The following GATAD1 variants were observed in gnomAD, a reference collection of about 807,000 sequenced individuals.
The protein encoded by GATAD1 is GATA zinc finger domain-containing protein 1.
In GATAD1, 12 loss-of-function variants were observed where a neutral mutation model predicts 26.5. The observed-to-expected ratio is 0.45, with a 90% CI of 0.29 to 0.73. The LOEUF (loss-of-function observed/expected upper bound fraction) is 0.73, where lower values mean the gene tolerates loss of function less well. Among genes scored for constraint, GATAD1 ranks in the 30% least tolerant of loss-of-function variants. The pLI, the probability that GATAD1 is intolerant of heterozygous loss-of-function variation, is 0.10. For missense variants in GATAD1, 266 were observed against 342.1 expected (o/e 0.78, Z 1.75); for synonymous variants, 129 against 133.1 (o/e 0.97, Z 0.21).
chr7:92,450,917 CTGT>C (rs1789402693), intron 3 of GATAD1, among the ~76,000 whole-genome samples, 157 bp downstream of exon 3: 2 of 152,326 alleles, frequency 1.3e-5, no homozygotes, highest in South Asian at 4.1e-4. Context: ...CCATAAGTGG[CTGT>C]TATTAAAACA....
downstream of GATAD1, among the ~76,000 whole-genome samples, chr7:92,463,262 C>T (rs1417066208): frequency 1.3e-5 from 2 of 151,998 alleles, no homozygotes; most frequent in African/African-American, 4.8e-5. Context: ...TACAAATTTT[C>T]GGTTTGGAGT....
At chr7:92,493,183 CTTAAA>C in the GATAD1 span, 13 of 993,262 alleles carry the variant, frequency 1.3e-5, no homozygotes, top group Non-Finnish European at 1.8e-5. Context: ...AAAATATTAT[CTTAAA>C]TTGTGTATCT....
chr7:92,485,507 G>A, the GATAD1 span, among the ~76,000 whole-genome samples: 2 of 152,206 alleles, frequency 1.3e-5, no homozygotes, highest in African/African-American at 2.4e-5. Context: ...AAGAGCCAGA[G>A]AAAAGGCCCT....
At chr7:92,453,162 G>A (rs1054141598) in intron 3 of GATAD1, among the ~76,000 whole-genome samples, 1 of 152,188 alleles carries the variant, frequency 6.6e-6, no homozygotes, top group Non-Finnish European at 1.5e-5. Context: ...TCAGTTACTG[G>A]AAGTATTTCC....
chr7:92,485,122 C>A, the GATAD1 span, among the ~76,000 whole-genome samples: 1 of 152,060 alleles, frequency 6.6e-6, no homozygotes, highest in African/African-American at 2.4e-5. Context: ...TAAGATGGGG[C>A]AGGAACAAAT....
At chr7:92,469,632 T>C in the GATAD1 span, 2 of 764,398 alleles carry the variant, frequency 2.6e-6, no homozygotes, top group African/African-American at 3.4e-5. Context: ...ACCTGATGCA[T>C]TGGGAGTTGG....
chr7:92,487,485 C>A, the GATAD1 span: 1 of 1,593,726 alleles, frequency 6.3e-7, no homozygotes, highest in Non-Finnish European at 8.6e-7. Flanking sequence ...CTGTCCAGGT[C>A]GAAACATTGT....
At chr7:92,484,879 G>C in the GATAD1 span, among the ~76,000 whole-genome samples, 2 of 152,154 alleles carry the variant, frequency 1.3e-5, no homozygotes, top group Non-Finnish European at 2.9e-5. Flanking sequence ...CACCAAACAG[G>C]CTTTGTGTGA....
At chr7:92,454,405 T>C in intron 3 of GATAD1, 97 bp from the exon 4 acceptor site, 3 of 881,024 alleles carry the variant, frequency 3.4e-6, no homozygotes, top group Non-Finnish European at 5.7e-6. Flanking sequence ...CACCTTTTAC[T>C]GACCACTTTG....
chr7:92,490,164 G>T, the GATAD1 span: 1 of 502,576 alleles, frequency 2.0e-6, no homozygotes, highest in Non-Finnish European at 3.5e-6. Context: ...TAACTTTGTT[G>T]CTTAAATCCA....
At chr7:92,453,834 T>G (rs901305307) in intron 3 of GATAD1, among the ~76,000 whole-genome samples, 6 of 152,232 alleles carry the variant, frequency 3.9e-5, no homozygotes, top group Non-Finnish European at 7.3e-5. Context: ...GCAAGCCGTT[T>G]AACCTTACTA....
chr7:92,462,626 A>G (rs1250208381), downstream of GATAD1, among the ~76,000 whole-genome samples: 1 of 152,226 alleles, frequency 6.6e-6, no homozygotes, highest in East Asian at 1.9e-4. Context: ...CCTGATCCCC[A>G]TGCCCCAAGT....
the GATAD1 span, among the ~76,000 whole-genome samples, chr7:92,485,994 A>G: frequency 6.6e-6 from 1 of 152,222 alleles, no homozygotes; most frequent in Admixed American, 6.5e-5. Context: ...ATACTAATCA[A>G]GTGGTCAAGA....
intron 3 of GATAD1, among the ~76,000 whole-genome samples, chr7:92,451,312 A>T (rs1302330276): frequency 6.6e-6 from 1 of 152,250 alleles, no homozygotes; most frequent in African/African-American, 2.4e-5. Context: ...GCCAAAGTCC[A>T]TGAACATCTG....
At chr7:92,478,550 A>G in the GATAD1 span, among the ~76,000 whole-genome samples, 170 of 152,340 alleles carry the variant, frequency 1.1e-3, no homozygotes, top group Non-Finnish European at 1.9e-3. Flanking sequence ...TACCATAATC[A>G]GCAGTAAAGC....
At chr7:92,489,216 G>T in the GATAD1 span, 1 of 1,255,800 alleles carries the variant, frequency 8.0e-7, no homozygotes, top group Non-Finnish European at 1.2e-6. Flanking sequence ...TTTTAAACAC[G>T]AACTTTAAAG....
the GATAD1 span, chr7:92,491,137 A>G: frequency 1.5e-6 from 1 of 667,234 alleles, no homozygotes; most frequent in Non-Finnish European, 2.7e-6. Flanking sequence ...GTAAGCAAGA[A>G]ACAAGACTAT....
the GATAD1 span, chr7:92,469,998 A>G: frequency 1.3e-6 from 1 of 778,154 alleles, no homozygotes; most frequent in East Asian, 2.4e-5. Context: ...CTTCTTTTAC[A>G]TGTTTTTCTC....
chr7:92,489,459 T>A, the GATAD1 span: 2 of 1,591,816 alleles, frequency 1.3e-6, no homozygotes, highest in Non-Finnish European at 1.7e-6. Context: ...AGAGTTAAAT[T>A]AAGGATGTAA....
Sources: allele counts gnomAD v4.1 joint callset (sites outside exome capture counted in the v4.1 genomes callset), GRCh38; gene constraint gnomAD v4.1.1; transcripts MANE v1.5; gene names NCBI Gene and HGNC (gene_info 2026-07-23, HGNC 2026-07-21).